WLS: variants seen among roughly 807,000 people sequenced by gnomAD.
WLS encodes the protein protein wntless homolog.
WLS carries 23 observed loss-of-function variants against 62.8 expected under a neutral mutation model. That is an observed-to-expected ratio of 0.37 (90% CI 0.26 to 0.52). The LOEUF (loss-of-function observed/expected upper bound fraction) is 0.52. Ranked by LOEUF, WLS falls within the 20% of genes least tolerant of loss-of-function variation. The probability of loss-of-function intolerance (pLI) is 0.92; values close to 1 mark genes in which losing one functional copy is unlikely to be tolerated. For synonymous variants in WLS, 246 were observed against 244.1 expected, an observed-to-expected ratio of 1.01 and a Z score of -0.07; for missense variants, 615 against 697.3, an observed-to-expected ratio of 0.88 and a Z score of 1.33.
chr1:68,168,874 T>G (rs1647102746), intron 2 of WLS, among the ~76,000 whole-genome samples: 1 of 152,196 alleles, frequency 6.6e-6, no homozygotes, highest in Non-Finnish European at 1.5e-5. Context: ...CGCTTTCAAT[T>G]AAGGAAATAA....
chr1:68,148,036 G>T, intron 8 of WLS, 100 bp downstream of exon 8: 2 of 1,229,664 alleles, frequency 1.6e-6, no homozygotes, highest in Non-Finnish European at 2.4e-6. Context: ...AGCCCTGGCT[G>T]AGTACATATG....
At chr1:68,217,448 T>C (rs749308684) in intron 1 of WLS, among the ~76,000 whole-genome samples, 2 of 152,138 alleles carry the variant, frequency 1.3e-5, no homozygotes, top group African/African-American at 2.4e-5. Flanking sequence ...CAAGCTAATT[T>C]ATCATGAGGA....
chr1:68,157,318 AC>A (rs1271098266), intron 3 of WLS, among the ~76,000 whole-genome samples: 1 of 152,186 alleles, frequency 6.6e-6, no homozygotes, highest in African/African-American at 2.4e-5. Context: ...TAACATGGAC[AC>A]CCTTGACACA....
intron 2 of WLS, chr1:68,183,697 C>A: frequency 3.7e-6 from 1 of 268,636 alleles, no homozygotes; most frequent in East Asian, 1.2e-4. Context: ...GTTGTCTTCC[C>A]TTGATGTCCA....
intron 11 of WLS, among the ~76,000 whole-genome samples, chr1:68,103,623 T>G (rs985821647): frequency 6.6e-6 from 1 of 152,182 alleles, no homozygotes; most frequent in Non-Finnish European, 1.5e-5. Flanking sequence ...CCTATAATTG[T>G]AGTTTGTAGG....
chr1:68,154,607 G>T (rs1646871746), intron 4 of WLS, among the ~76,000 whole-genome samples: 1 of 152,132 alleles, frequency 6.6e-6, no homozygotes, highest in Non-Finnish European at 1.5e-5. Flanking sequence ...TAAATAGTAG[G>T]ACATTACAGG....
chr1:68,110,007 T>TAAAAAAAAAAAAAAAAAAAAAA lies in WLS; in HGVS notation c.1511-11276_1511-11255dup, dbSNP rs11290966. Among the ~76,000 whole-genome samples the TAAAAAAAAAAAAAAAAAAAAAA allele has an allele frequency of 3.9e-4, 11 of 28,418 alleles. 1 individual carries two copies. The highest frequency in any genetic ancestry group is 1.1e-3 in the African/African-American group (7 of 6,166). 18.6% of individuals were successfully genotyped at this position (28,418 alleles called of 152,430 possible). The stretch of plus-strand genomic sequence containing the variant: ...TTGCACTGGAACACAACACAAAAAG[T>TAAAAAAAAAAAAAAAAAAAAAA]AAAAAAAAAAAAAAAAAAAAAAAAA... On this transcript the variant is annotated intron_variant, in intron 11 of 11. Transcript: ENST00000354777.
In WLS at chr1:68,148,131, G is replaced by A; in HGVS notation, c.1134+5C>T. On this transcript the variant is annotated splice_donor_5th_base_variant and intron_variant, in intron 8 of 11. Coordinates refer to ENST00000262348, the MANE Select transcript of WLS (RefSeq NM_024911.7). ...TAAAACCCTGAGCCCATCAAGGAAG[G>A]ATACGGCCAGCTCTGTTCCAATGTC... 2 of 1,614,170 alleles carry A rather than the reference G, an allele frequency of 1.2e-6. No individual in the cohort carries two copies. The highest frequency in any genetic ancestry group is 1.7e-6 in the Non-Finnish European group (2 of 1,180,014).
intron 2 of WLS, among the ~76,000 whole-genome samples, chr1:68,172,444 G>A (rs1647168855): frequency 6.6e-6 from 1 of 151,002 alleles, no homozygotes; most frequent in African/African-American, 2.4e-5. Flanking sequence ...TCTATAAAGA[G>A]TGAAACAATT....
intron 3 of WLS, among the ~76,000 whole-genome samples, chr1:68,155,576 G>A (rs1182753539): frequency 2.0e-5 from 3 of 152,036 alleles, no homozygotes; most frequent in Non-Finnish European, 4.4e-5. Context: ...TTAGAACCTC[G>A]CATCTTACGA....
At chr1:68,136,331 A>G (rs1360730962) in intron 11 of WLS, among the ~76,000 whole-genome samples, 1 of 152,220 alleles carries the variant, frequency 6.6e-6, no homozygotes. Context: ...GAAGGAGTCG[A>G]TGATCCAGCA....
chr1:68,204,314 ATTAT>A (rs1245115831), intron 1 of WLS, among the ~76,000 whole-genome samples: 1 of 151,886 alleles, frequency 6.6e-6, no homozygotes, highest in East Asian at 1.9e-4. Flanking sequence ...CTTAGGAATT[ATTAT>A]TATTATTAAT....
At chr1:68,163,634 G>GAA (rs5774918) in intron 2 of WLS, among the ~76,000 whole-genome samples, 1 of 116,304 alleles carries the variant, frequency 8.6e-6, no homozygotes, top group Admixed American at 9.6e-5. Context: ...TCTTAATGAG[G>GAA]AAAAAAAAAA....
intron 5 of WLS, among the ~76,000 whole-genome samples, chr1:68,151,852 A>G (rs887567873): frequency 6.6e-6 from 1 of 152,186 alleles, no homozygotes; most frequent in African/African-American, 2.4e-5. Context: ...GAGGGGTGAC[A>G]GGATCTGATT....
At chr1:68,126,393 G>T in intron 11 of WLS, 58 bp from the exon 12 acceptor site, 22 of 1,604,900 alleles carry the variant, frequency 1.4e-5, no homozygotes, top group Non-Finnish European at 1.8e-5. Flanking sequence ...GCAAGCTGGG[G>T]TTCATCTCAT....
intron 2 of WLS, among the ~76,000 whole-genome samples, chr1:68,169,392 T>C (rs1430742): frequency 0.19 from 28,475 of 152,090 alleles, 2,813 homozygotes; most frequent in South Asian, 0.25. Flanking sequence ...CCACCGAATA[T>C]AGAAAAAAAC....
chr1:68,223,453 C>T (rs1163968696), intron 1 of WLS, among the ~76,000 whole-genome samples: 2 of 152,094 alleles, frequency 1.3e-5, no homozygotes, highest in Non-Finnish European at 2.9e-5. Flanking sequence ...AGGTGTTGGG[C>T]AAAGTGGTGG....
chr1:68,153,412 C>T (rs1332808467), intron 5 of WLS, 105 bp downstream of exon 5: 9 of 1,500,976 alleles, frequency 6.0e-6, no homozygotes, highest in Non-Finnish European at 8.2e-6. Context: ...AATCACTGGC[C>T]TAAGTCACAC....
chr1:68,123,711 C>A (rs1557455855), downstream of WLS, among the ~76,000 whole-genome samples: 1 of 152,138 alleles, frequency 6.6e-6, no homozygotes, highest in Non-Finnish European at 1.5e-5. Context: ...TTTGACCTGA[C>A]TTCCTGGTCA....
Sources: allele counts gnomAD v4.1 joint callset (sites outside exome capture counted in the v4.1 genomes callset), GRCh38; gene constraint gnomAD v4.1.1; transcripts MANE v1.5; gene names NCBI Gene and HGNC (gene_info 2026-07-23, HGNC 2026-07-21).